Variants in RPS6KB1 observed in about 807,000 individuals in gnomAD.
RPS6KB1 encodes ribosomal protein S6 kinase B1, also known as ribosomal protein S6 kinase beta-1.
RPS6KB1 carries 12 observed loss-of-function variants against 70.2 expected under a neutral mutation model. The ratio of observed to expected loss-of-function variants is 0.17; its 90% CI spans 0.11 to 0.28. The LOEUF is 0.28. Ranked by LOEUF, RPS6KB1 falls within the 10% of genes least tolerant of loss-of-function variation. RPS6KB1 has a pLI of 1.00. For synonymous variants in RPS6KB1, 175 were observed against 211.2 expected, an observed-to-expected ratio of 0.83 and a Z score of 1.49; for missense variants, 270 against 646.6, an observed-to-expected ratio of 0.42 and a Z score of 6.32.
Position 59,934,424 on chromosome 17 carries a change from C to T in RPS6KB1, c.780-10C>T. On this transcript the variant is annotated splice_polypyrimidine_tract_variant and intron_variant, in intron 8 of 14. Transcript: ENST00000225577. This position sits in a 1 kb window ranked among gnomAD's most constrained non-coding sequence, Gnocchi z 4.8. ...GTGAATTTTTAAGCATATTATTTTC[C>T]TCATTGTAGGGCCCCTGAAATCTTG... The T allele has an allele frequency of 3.7e-6, 6 of 1,611,686 alleles. No homozygotes were observed. Among genetic ancestry groups the T allele is most frequent in the African/African-American group, 1.3e-5 (1 of 74,948 alleles).
At chr17:59,926,394 G>A (rs749968195) in intron 4 of RPS6KB1, 41 bp from the exon 5 acceptor site, 2 of 1,375,562 alleles carry the variant, frequency 1.5e-6, no homozygotes, top group African/African-American at 1.5e-5. Context: ...GAATAAAAAT[G>A]TTCACTATTT....
chr17:59,924,356 CT>C (rs1468384350), intron 4 of RPS6KB1, among the ~76,000 whole-genome samples: 1 of 151,978 alleles, frequency 6.6e-6, no homozygotes, highest in Non-Finnish European at 1.5e-5. Context: ...TCTCCTATAT[CT>C]TTTTTCTCTT....
chr17:59,893,323 G>A lies in RPS6KB1; in HGVS notation c.139G>A (p.Gly47Arg). ...DAGSEDELEE[G>R]GQLNESMDHG... ...GGGCTCTGAGGATGAGCTGGAGGAG[G>A]GGGTGAGGCCCGGGGTCCCCGGGGG... Residue 47 changes from glycine to arginine, a missense_variant and splice_region_variant, in exon 1 of 15, where the codon GGG becomes AGG. Coordinates refer to ENST00000225577, the MANE Select transcript of RPS6KB1 (RefSeq NM_003161.4). This position sits in a 1 kb window ranked among gnomAD's most constrained non-coding sequence, Gnocchi z 4.1. 1 of 1,606,400 alleles carries A rather than the reference G, an allele frequency of 6.2e-7. No homozygotes were observed. The highest frequency in any genetic ancestry group is 1.1e-5 in the South Asian group (1 of 89,970).
intron 13 of RPS6KB1, among the ~76,000 whole-genome samples, chr17:59,943,387 C>G (rs903870543): frequency 6.6e-6 from 1 of 152,128 alleles, no homozygotes; most frequent in African/African-American, 2.4e-5. Flanking sequence ...GTTTTCCCCC[C>G]ACAAAATAGA....
chr17:59,926,826 C>T (rs1190020546), intron 5 of RPS6KB1, among the ~76,000 whole-genome samples: 1 of 152,076 alleles, frequency 6.6e-6, no homozygotes, highest in Admixed American at 6.6e-5. Flanking sequence ...TAATCACTCA[C>T]TTAACAGAAA....
Position 59,897,830 on chromosome 17 carries a change from T to TG in RPS6KB1, c.141+4507dup, listed in dbSNP as rs1243552366. Among the ~76,000 whole-genome samples, 2 of 152,042 alleles carry TG rather than the reference T, an allele frequency of 1.3e-5. 1 individual carries two copies. The highest frequency in any genetic ancestry group is 4.1e-4 in the South Asian group (2 of 4,830). On this transcript the variant is annotated intron_variant, in intron 1 of 14. Coordinates refer to ENST00000225577, the MANE Select transcript of RPS6KB1 (RefSeq NM_003161.4). ...AAATACAAAAATTAGCCAGGCATGG[T>TG]GGTGCACACCTCTAGTCCCAGCTAT...
In RPS6KB1 at chr17:59,899,455, G is replaced by A. The variant is rs142360456; in HGVS notation, c.141+6130G>A. On this transcript the variant is annotated intron_variant, in intron 1 of 14. Transcript: ENST00000225577. ...ATAGCTACAGGGCGTATCTTGTGAGGTGGCTTCAAAATCATGGTCCAGTCT... is the reference window on the plus strand; with the variant it reads ...ATAGCTACAGGGCGTATCTTGTGAGATGGCTTCAAAATCATGGTCCAGTCT... Among the ~76,000 whole-genome samples, 331 of 152,250 alleles carry A rather than the reference G, an allele frequency of 2.2e-3. 1 individual carries two copies. The highest frequency in any genetic ancestry group is 6.8e-3 in the Middle Eastern group (2 of 292).
rs367688464 is a variant in RPS6KB1, at chr17:59,936,538, G to C, written c.1116G>C (p.Leu372=). 3.7e-5 allele frequency: 60 copies of C among 1,612,324 alleles called. No individual in the cohort carries two copies. Among genetic ancestry groups the C allele is most frequent in the Non-Finnish European group, 4.7e-5 (55 of 1,178,626 alleles). The change falls in exon 12 of 15, where the codon CTG becomes CTC. Residue 372 remains leucine, a synonymous_variant. Coordinates refer to ENST00000225577, the MANE Select transcript of RPS6KB1 (RefSeq NM_003161.4). ...AGGTGGAGCCCCCCTTTAAACCTCT[G>C]TTGGTAAGTATACATGAAAGTGTAT... is the stretch of plus-strand genomic sequence containing the variant. ...ARKVEPPFKP[L]LQSEEDVSQF...
At chr17:59,938,089 T>G (rs1225835523) in intron 12 of RPS6KB1, among the ~76,000 whole-genome samples, 3 of 150,638 alleles carry the variant, frequency 2.0e-5, no homozygotes, top group African/African-American at 4.9e-5. Flanking sequence ...TGTTTAAACA[T>G]AACTGCCATC....
rs2042511107 is a variant in RPS6KB1, at chr17:59,909,675, G to A, written c.142-887G>A. Among the ~76,000 whole-genome samples the A allele has an allele frequency of 2.0e-5, 3 of 151,562 alleles. No individual in the cohort carries two copies. The South Asian group carries it at 6.3e-4, about 32-fold the overall frequency. On this transcript the variant is annotated intron_variant, in intron 1 of 14. Coordinates refer to ENST00000225577, the MANE Select transcript of RPS6KB1 (RefSeq NM_003161.4). Reference sequence around the variant, plus strand: ...GCGGATCACCTGAGGTCAGGAGTTCGAGACCAGCCTGGCCAACATGATGAA... The same window carrying A: ...GCGGATCACCTGAGGTCAGGAGTTCAAGACCAGCCTGGCCAACATGATGAA...
intron 1 of RPS6KB1, among the ~76,000 whole-genome samples, chr17:59,899,218 AAAG>A (rs1251679744): frequency 6.6e-6 from 1 of 151,934 alleles, no homozygotes; most frequent in African/African-American, 2.4e-5. Context: ...AAAAAAAAAA[AAAG>A]GAGTAAAGAG....
At chr17:59,938,332 A>G (rs1395719719) in intron 12 of RPS6KB1, among the ~76,000 whole-genome samples, 5 of 151,204 alleles carry the variant, frequency 3.3e-5, no homozygotes, top group Non-Finnish European at 7.4e-5. Context: ...GCTAATTTTT[A>G]AATTTTTTCT....
In RPS6KB1 at chr17:59,946,244, G is replaced by A. The variant is rs1444461960; in HGVS notation, c.1341-307G>A. Among the ~76,000 whole-genome samples the A allele has an allele frequency of 1.3e-5, 2 of 152,170 alleles. No individual in the cohort carries two copies. The highest frequency in any genetic ancestry group is 4.8e-5 in the African/African-American group (2 of 41,422). Reference sequence around the variant, plus strand: ...TTTGGAAAAGTATTTTATTTTAAATGCAATAGAAAGCTGTTTTGAGCAGGG... The same window carrying A: ...TTTGGAAAAGTATTTTATTTTAAATACAATAGAAAGCTGTTTTGAGCAGGG... On this transcript the variant is annotated intron_variant, in intron 14 of 14. Transcript: ENST00000225577. The surrounding 1 kb of genome is among the most constrained non-coding windows in gnomAD (Gnocchi z 4.2).
rs1598607985 is a variant in RPS6KB1, at chr17:59,893,679, T to G, written c.141+354T>G. ...GGAGACGGGGGCTGCTCTTGCTGGG[T>G]GTCCCGTAAGTGCAGGCGAAGTGTG... On this transcript the variant is annotated intron_variant, in intron 1 of 14. Coordinates refer to ENST00000225577, the MANE Select transcript of RPS6KB1 (RefSeq NM_003161.4). The surrounding 1 kb of genome is among the most constrained non-coding windows in gnomAD (Gnocchi z 4.1). 2 of 663,794 alleles carry G rather than the reference T, an allele frequency of 3.0e-6. No individual in the cohort carries two copies. The highest frequency in any genetic ancestry group is 9.9e-5 in the South Asian group (2 of 20,264). The allele number at this position is 663,794 out of a possible 1,614,324, so 41.1% of individuals were successfully genotyped here. A position where few individuals can be genotyped will look rare whatever the true frequency, so the allele number is the denominator to read the frequency against.
chr17:59,938,843 G>C lies in RPS6KB1; in HGVS notation c.1120-1993G>C, dbSNP rs535077161. Among the ~76,000 whole-genome samples, 8 of 151,996 alleles carry C rather than the reference G, an allele frequency of 5.3e-5. No individual in the cohort carries two copies. In the East Asian group the frequency reaches 1.6e-3, roughly 29 times the overall value. ...GAGATACACTGATTGTCACAGGTTGGGGGAGGGAATGCTATAGGTACCTTC... is the reference window on the plus strand; with the variant it reads ...GAGATACACTGATTGTCACAGGTTGCGGGAGGGAATGCTATAGGTACCTTC... On this transcript the variant is annotated intron_variant, in intron 12 of 14. Coordinates refer to ENST00000225577, the MANE Select transcript of RPS6KB1 (RefSeq NM_003161.4).
chr17:59,894,671 C>T (rs936254234), intron 1 of RPS6KB1, among the ~76,000 whole-genome samples: 1 of 152,148 alleles, frequency 6.6e-6, no homozygotes, highest in Admixed American at 6.6e-5. Context: ...ATGGTGCGAT[C>T]TCAGCTCACT....
chr17:59,905,753 G>A (rs1324804059), intron 1 of RPS6KB1, among the ~76,000 whole-genome samples: 4 of 151,712 alleles, frequency 2.6e-5, no homozygotes, highest in East Asian at 2.0e-4. Context: ...TCATCCACCC[G>A]CCTCAGCCTC....
intron 1 of RPS6KB1, among the ~76,000 whole-genome samples, chr17:59,902,029 A>G (rs889542042): frequency 1.3e-5 from 2 of 151,212 alleles, no homozygotes; most frequent in African/African-American, 4.9e-5. Context: ...AAAAAAAAAA[A>G]AAGCTTTTTC....
Position 59,925,218 on chromosome 17 carries a change from T to C in RPS6KB1, c.382-1217T>C, listed in dbSNP as rs532551135. 2.0e-4 allele frequency among the ~76,000 whole-genome samples: 30 copies of C among 152,332 alleles called. No individual in the cohort carries two copies. In the East Asian group the frequency reaches 5.6e-3, roughly 28 times the overall value. ...ATCCTATGTCTGAGCATTTAGGCTG[T>C]TTCTAGTGTTCCACTTTCACAGATA... On this transcript the variant is annotated intron_variant, in intron 4 of 14. Coordinates refer to ENST00000225577, the MANE Select transcript of RPS6KB1 (RefSeq NM_003161.4).
Sources: allele counts gnomAD v4.1 joint callset (sites outside exome capture counted in the v4.1 genomes callset), GRCh38; gene constraint gnomAD v4.1.1; non-coding constraint Gnocchi (gnomAD v3.1); transcripts MANE v1.5; gene names NCBI Gene and HGNC (gene_info 2026-07-23, HGNC 2026-07-21).